Variants in CSNK1E observed in about 807,000 individuals in gnomAD.
CSNK1E encodes the protein casein kinase I isoform epsilon.
CSNK1E carries 17 observed loss-of-function variants against 46.1 expected under a neutral mutation model. The ratio of observed to expected loss-of-function variants is 0.37; its 90% confidence interval spans 0.25 to 0.55. The LOEUF (loss-of-function observed/expected upper bound fraction) is 0.55. Ranked by LOEUF, CSNK1E falls within the 20% of genes least tolerant of loss-of-function variation. The pLI is 0.82. For missense variants in CSNK1E, 386 were observed against 595.4 expected, an observed-to-expected ratio of 0.65 and a Z score of 3.66; for synonymous variants, 241 against 242.6, an observed-to-expected ratio of 0.99 and a Z score of 0.06.
chr22:38,314,574 G>T (rs1036515695), intron 1 of CSNK1E, among the ~76,000 whole-genome samples: 1 of 152,336 alleles, frequency 6.6e-6, no homozygotes, highest in East Asian at 1.9e-4. Flanking sequence ...ACGCCTTGCA[G>T]GAGAAAGTCG....
intron 7 of CSNK1E, chr22:38,296,840 TCTCAG>T: frequency 2.3e-6 from 2 of 879,826 alleles, no homozygotes; most frequent in African/African-American, 3.3e-5. Context: ...AGTGGCATGA[TCTCAG>T]CTCACTCCAA....
chr22:38,297,148 G>C, intron 7 of CSNK1E: 2 of 778,972 alleles, frequency 2.6e-6, no homozygotes, highest in East Asian at 2.4e-5. Context: ...ATCTTGGACA[G>C]TGTCCGTCTA....
chr22:38,315,842 A>G (rs1486415083), intron 1 of CSNK1E, among the ~76,000 whole-genome samples: 1 of 152,072 alleles, frequency 6.6e-6, no homozygotes, highest in East Asian at 1.9e-4. Context: ...TATACTGCAC[A>G]TGACCCCCCA....
rs140822232 is a variant in CSNK1E, at chr22:38,316,189, C to T, written c.-13+971G>A. 6.4e-3 allele frequency among the ~76,000 whole-genome samples: 968 copies of T among 152,260 alleles called. 3 individuals carry two copies. Among genetic ancestry groups the T allele is most frequent in the Non-Finnish European group, 0.011 (740 of 68,012 alleles). ...AGGTTAAAAAAATTAGACAAACTAC[C>T]AACCAGCATGGCACACGGGCAGTGC... On this transcript the variant is annotated intron_variant, in intron 1 of 10. Coordinates refer to ENST00000396832, the MANE Select transcript of CSNK1E (RefSeq NM_152221.3).
chr22:38,296,587 T>C (rs781391175), intron 7 of CSNK1E: 3 of 1,612,708 alleles, frequency 1.9e-6, no homozygotes, highest in Admixed American at 3.3e-5. Flanking sequence ...GATAAGGCTG[T>C]GGGTGCCTCT....
chr22:38,315,726 C>T (rs531153891), intron 1 of CSNK1E, among the ~76,000 whole-genome samples: 4 of 151,990 alleles, frequency 2.6e-5, no homozygotes, highest in Admixed American at 6.6e-5. Flanking sequence ...CCAGGAAACC[C>T]GCAGGTTAGG....
In CSNK1E at chr22:38,314,161, T is replaced by A; in HGVS notation, c.-4A>T. The A allele has an allele frequency of 6.2e-7, 1 of 1,613,848 alleles. No homozygotes were observed. Among genetic ancestry groups the A allele is most frequent in the Non-Finnish European group, 8.5e-7 (1 of 1,179,832 alleles). On this transcript the variant is annotated 5_prime_UTR_variant, in exon 2 of 11. Transcript: ENST00000396832. ...TGTTCCCCACACGTAGCTCCATGGC[T>A]CACTCTTGCTGCAGAGGAAGCAGGA...
chr22:38,297,726 C>T (rs1185272153), intron 7 of CSNK1E: 1 of 996,272 alleles, frequency 1.0e-6, no homozygotes, highest in Non-Finnish European at 1.2e-6. Flanking sequence ...CACCATCCCT[C>T]CCTCAGGCTG....
At chr22:38,315,244 G>C (rs1410078027) in intron 1 of CSNK1E, among the ~76,000 whole-genome samples, 1 of 152,244 alleles carries the variant, frequency 6.6e-6, no homozygotes, top group Non-Finnish European at 1.5e-5. Context: ...TGCTGGCACA[G>C]AAGATCAGCC....
chr22:38,305,921 A>C (rs1031632076), intron 2 of CSNK1E, among the ~76,000 whole-genome samples: 1 of 152,158 alleles, frequency 6.6e-6, no homozygotes. Context: ...CTGACATCCT[A>C]GCACGGTGCA....
intron 7 of CSNK1E, chr22:38,296,352 G>GTCTT (rs143187967): frequency 5.1e-6 from 7 of 1,379,828 alleles, no homozygotes; most frequent in Non-Finnish European, 6.5e-6. Flanking sequence ...CACAGTGGCT[G>GTCTT]TATGTGCTGA....
Position 38,298,533 on chromosome 22 carries a change from C to T in CSNK1E, c.885+253G>A. 2.0e-6 allele frequency: 1 copy of T among 494,008 alleles called. No individual in the cohort carries two copies. 30.6% of individuals were successfully genotyped at this position (494,008 alleles called of 1,614,324 possible). On this transcript the variant is annotated intron_variant, in intron 7 of 10. Coordinates refer to ENST00000396832, the MANE Select transcript of CSNK1E (RefSeq NM_152221.3). The surrounding 1 kb of genome is among the most constrained non-coding windows in gnomAD (Gnocchi z 4.2). ...CTGCTGCGGGCACCCAGGAGGGACC[C>T]CAGGTGAAGCCAGATCCTCCTTGTT... is the stretch of plus-strand genomic sequence containing the variant.
Position 38,294,143 on chromosome 22 carries a change from C to G in CSNK1E, c.1184G>C (p.Gly395Ala). The G allele has an allele frequency of 1.2e-6, 2 of 1,611,498 alleles. No homozygotes were observed. The highest frequency in any genetic ancestry group is 1.7e-6 in the Non-Finnish European group (2 of 1,179,598). The part of the protein sequence containing the change: ...PANVSSSDLT[G>A]RQEVSRIPAS... Reference sequence around the variant, plus strand: ...TGGGATCCGGGAGACCTCTTGCCGCCCAGTGAGGTCTGAGGAGGAGACGTT... The same window carrying G: ...TGGGATCCGGGAGACCTCTTGCCGCGCAGTGAGGTCTGAGGAGGAGACGTT... Residue 395 changes from glycine (G) to alanine (A), a missense_variant, in exon 9 of 11, where the codon GGG becomes GCG. By Grantham distance (60) the Gly-to-Ala change is moderately conservative (BLOSUM62 0). This residue lies in a region of CSNK1E where 174 missense variants were observed against 185.2 expected (regional missense o/e 0.94). Coordinates refer to ENST00000396832, the MANE Select transcript of CSNK1E (RefSeq NM_152221.3). This position sits in a 1 kb window ranked among gnomAD's most constrained non-coding sequence, Gnocchi z 5.5.
chr22:38,296,609 A>C (rs1249853428), intron 7 of CSNK1E: 1 of 1,612,862 alleles, frequency 6.2e-7, no homozygotes, highest in African/African-American at 1.3e-5. Flanking sequence ...CCCAGCTTCT[A>C]ACTCCAGGGC....
At chr22:38,307,752 A>G (rs1033426462) in intron 2 of CSNK1E, among the ~76,000 whole-genome samples, 1 of 152,116 alleles carries the variant, frequency 6.6e-6, no homozygotes. Context: ...GCTGGACTGT[A>G]GTGGCACTAA....
chr22:38,297,277 G>T, intron 7 of CSNK1E: 1 of 643,250 alleles, frequency 1.6e-6, no homozygotes, highest in Non-Finnish European at 2.8e-6. Flanking sequence ...CCCTGTGGTG[G>T]AAAGAGCTGG....
Position 38,300,176 on chromosome 22 carries a change from G to A in CSNK1E, c.566-111C>T, listed in dbSNP as rs2092663542. On this transcript the variant is annotated intron_variant, in intron 5 of 10. Transcript: ENST00000396832. This position sits in a 1 kb window ranked among gnomAD's most constrained non-coding sequence, Gnocchi z 4.4. Reference sequence around the variant, plus strand: ...ACCAGGACCCTCCTGCCCCCACGTCGGATGTTGCTCACTGCACGCATTTTA... The same window carrying A: ...ACCAGGACCCTCCTGCCCCCACGTCAGATGTTGCTCACTGCACGCATTTTA... 28 of 1,006,484 alleles carry A rather than the reference G, an allele frequency of 2.8e-5. No homozygotes were observed. The highest frequency in any genetic ancestry group is 8.1e-5 in the South Asian group (5 of 61,976). 62.3% of individuals were successfully genotyped at this position (1,006,484 alleles called of 1,614,324 possible).
intron 1 of CSNK1E, among the ~76,000 whole-genome samples, chr22:38,314,658 G>A (rs977164281): frequency 1.5e-4 from 23 of 152,158 alleles, no homozygotes; most frequent in South Asian, 2.1e-4. Context: ...CCATCTCTAC[G>A]TCATGACACC....
chr22:38,317,639 A>G (rs1434045690), upstream of CSNK1E, among the ~76,000 whole-genome samples: 1 of 151,854 alleles, frequency 6.6e-6, no homozygotes, highest in Non-Finnish European at 1.5e-5. Context: ...CTGACACCCT[A>G]ATGCAGTCCA....
Sources: gnomAD v4.1 joint callset for allele counts (sites outside exome capture counted in the v4.1 genomes callset) on GRCh38, gnomAD v4.1.1 for gene constraint, gnomAD v4.1.1 regional missense constraint, Gnocchi (gnomAD v3.1) non-coding constraint, MANE v1.5 for transcripts, NCBI Gene and HGNC (gene_info 2026-07-23, HGNC 2026-07-21) for gene names.